Variants in FER observed in about 807,000 individuals in gnomAD.
FER encodes the protein tyrosine-protein kinase Fer.
Under a neutral mutation model 111.0 loss-of-function variants are expected in FER, and 63 were observed. The ratio of observed to expected loss-of-function variants is 0.57; its 90% CI spans 0.46 to 0.70. FER has a LOEUF of 0.70. Ranked by LOEUF, FER falls within the 30% of genes least tolerant of loss-of-function variation. The probability of loss-of-function intolerance (pLI) is 0.00; values close to 1 mark genes in which losing one functional copy is unlikely to be tolerated. For synonymous variants in FER, 327 were observed against 313.9 expected (o/e 1.04, Z -0.44); for missense variants, 914 against 954.0 (o/e 0.96, Z 0.55).
intron 3 of FER, among the ~76,000 whole-genome samples, chr5:108,820,715 T>C (rs536762706): frequency 1.1e-4 from 16 of 152,352 alleles, no homozygotes; most frequent in South Asian, 6.2e-4. Flanking sequence ...AATTTGATTA[T>C]ATTGGTTTTA....
At chr5:108,967,761 A>AAAAAAAAAAAAAAAAAAAAAAAAAAAT (rs1760074238) in intron 13 of FER, among the ~76,000 whole-genome samples, 1 of 145,878 alleles carries the variant, frequency 6.9e-6, no homozygotes, top group Non-Finnish European at 1.5e-5. Context: ...CTCCGTCTCA[A>AAAAAAAAAAAAAAAAAAAAAAAAAAAT]AAAAAAAAAA....
intron 17 of FER, among the ~76,000 whole-genome samples, chr5:109,167,066 A>G (rs1407018068): frequency 1.3e-5 from 2 of 152,098 alleles, no homozygotes; most frequent in Non-Finnish European, 2.9e-5. Context: ...CAATATTGCA[A>G]TTTATGGGTT....
chr5:108,983,305 T>C (rs1762206335), intron 13 of FER, among the ~76,000 whole-genome samples: 1 of 152,110 alleles, frequency 6.6e-6, no homozygotes, highest in African/African-American at 2.4e-5. Context: ...TAGACCATAA[T>C]TTAACACTTT....
chr5:109,021,396 G>A lies in FER; in HGVS notation c.1657-16026G>A, dbSNP rs190014417. On this transcript the variant is annotated intron_variant, in intron 13 of 19. Transcript: ENST00000281092. Reference sequence around the variant, plus strand: ...AAAAATGCATATGCATAATATAAGGGTATACTTAACATAATTATCAAGTCA... The same window carrying A: ...AAAAATGCATATGCATAATATAAGGATATACTTAACATAATTATCAAGTCA... Among the ~76,000 whole-genome samples, 203 of 152,030 alleles carry A rather than the reference G, an allele frequency of 1.3e-3. 1 individual carries two copies. The highest frequency in any genetic ancestry group is 4.5e-3 in the Admixed American group (69 of 15,216).
At position 108,956,089 on chromosome 5, in the gene FER, A is replaced by T. The variant is rs76546647; in HGVS notation, c.1533+1157A>T. Among the ~76,000 whole-genome samples, 596 of 151,808 alleles carry T rather than the reference A, an allele frequency of 3.9e-3. 2 individuals are homozygous for T. The highest frequency in any genetic ancestry group is 0.01 in the Middle Eastern group (3 of 294). ...AATTTTTCGTAGTATTCAGACCTCA[A>T]CTTGATAATCATATTTGCCCACATT... On this transcript the variant is annotated intron_variant, in intron 12 of 19. Transcript: ENST00000281092.
chr5:108,838,669 C>G (rs1293013859), intron 5 of FER, among the ~76,000 whole-genome samples: 1 of 152,056 alleles, frequency 6.6e-6, no homozygotes, highest in East Asian at 1.9e-4. Context: ...CAAAGGAACA[C>G]TCGTTTATGT....
chr5:108,751,929 T>C (rs1750552885), intron 1 of FER, among the ~76,000 whole-genome samples: 1 of 152,172 alleles, frequency 6.6e-6, no homozygotes, highest in African/African-American at 2.4e-5. Context: ...ATCTTGCTTT[T>C]TAGTTTTTGC....
chr5:109,065,833 T>C (rs542726442), intron 16 of FER, among the ~76,000 whole-genome samples: 68 of 152,342 alleles, frequency 4.5e-4, no homozygotes, highest in African/African-American at 8.4e-4. Context: ...AGTACCTGTT[T>C]ATAAGTGTGT....
rs1299382580 is a variant in FER, at chr5:109,002,135, A to G, written c.1657-35287A>G. Among the ~76,000 whole-genome samples the G allele has an allele frequency of 6.0e-4, 91 of 151,484 alleles. 1 individual carries two copies. The South Asian group carries it at 0.019, about 31-fold the overall frequency. Reference sequence around the variant, plus strand: ...TGGAAAAAACTACTTTAAAGTTCATATGGAACCAAAAAAGAGCCCGCATTG... The same window carrying G: ...TGGAAAAAACTACTTTAAAGTTCATGTGGAACCAAAAAAGAGCCCGCATTG... On this transcript the variant is annotated intron_variant, in intron 13 of 19. Transcript: ENST00000281092.
chr5:108,853,965 G>T (rs1287317418), intron 5 of FER, among the ~76,000 whole-genome samples: 2 of 152,204 alleles, frequency 1.3e-5, no homozygotes, highest in East Asian at 3.8e-4. Flanking sequence ...TTTAGGCAAG[G>T]GGTCATGCTG....
At position 109,192,398 on chromosome 5, in the gene FER, G is replaced by A. The variant is rs896604088; in HGVS notation, c.*4823G>A. 26 of 152,166 alleles carry A rather than the reference G, an allele frequency of 1.7e-4. No individual in the cohort carries two copies. Among genetic ancestry groups the A allele is most frequent in the African/African-American group, 6.3e-4 (26 of 41,442 alleles). 9.4% of individuals were successfully genotyped at this position (152,166 alleles called of 1,614,324 possible). On this transcript the variant is annotated 3_prime_UTR_variant, in exon 20 of 20. Transcript: ENST00000281092. ...AAAGATCAGCAGAACTAAAGCAAAA[G>A]CAGTCATCTCCAGTGTGTGGGCCTT... is the stretch of plus-strand genomic sequence containing the variant.
chr5:109,125,648 T>C (rs1561927681), intron 17 of FER, among the ~76,000 whole-genome samples: 1 of 152,224 alleles, frequency 6.6e-6, no homozygotes, highest in Non-Finnish European at 1.5e-5. Flanking sequence ...AATCATTCTG[T>C]AAATGTGAGC....
intron 3 of FER, among the ~76,000 whole-genome samples, chr5:108,820,925 A>G (rs1758774573): frequency 6.6e-6 from 1 of 152,208 alleles, no homozygotes; most frequent in Admixed American, 6.5e-5. Context: ...CAGCCTGGCC[A>G]ACATGGTGAA....
intron 17 of FER, among the ~76,000 whole-genome samples, chr5:109,150,838 G>C (rs1194147915): frequency 6.6e-6 from 1 of 152,068 alleles, no homozygotes; most frequent in African/African-American, 2.4e-5. Flanking sequence ...CTAAATGTTT[G>C]ACCTTGGATT....
intron 13 of FER, among the ~76,000 whole-genome samples, chr5:109,015,579 G>T (rs949215545): frequency 6.6e-6 from 1 of 151,912 alleles, no homozygotes; most frequent in Non-Finnish European, 1.5e-5. Context: ...CAGGTAAATA[G>T]ATCAGTATAA....
At chr5:108,989,511 G>A (rs1340331084) in intron 13 of FER, among the ~76,000 whole-genome samples, 1 of 151,766 alleles carries the variant, frequency 6.6e-6, no homozygotes. Context: ...GAGCTTCCTG[G>A]ATACTTTAAA....
chr5:108,891,299 C>G (rs1262047413), intron 9 of FER: 1 of 151,812 alleles, frequency 6.6e-6, no homozygotes, highest in African/African-American at 2.4e-5. Flanking sequence ...TATTCTAGTT[C>G]TTTATATATT....
At position 108,768,130 on chromosome 5, in the gene FER, A is replaced by G. The variant is rs1363976638; in HGVS notation, c.-168A>G. On this transcript the variant is annotated 5_prime_UTR_variant, in exon 2 of 20. Transcript: ENST00000281092. ...GGCTAGACCTATGACCATTTTCGCT[A>G]GACTTCACTGCACGTTTTCTCAAGT... is the stretch of plus-strand genomic sequence containing the variant. The G allele has an allele frequency of 1.3e-5, 2 of 152,228 alleles. No homozygotes were observed. Among genetic ancestry groups the G allele is most frequent in the African/African-American group, 4.8e-5 (2 of 41,454 alleles). The allele number at this position is 152,228 out of a possible 1,614,324, so 9.4% of individuals were successfully genotyped here. A position where few individuals can be genotyped will look rare whatever the true frequency, so the allele number is the denominator to read the frequency against.
intron 13 of FER, among the ~76,000 whole-genome samples, chr5:108,960,155 C>T (rs1027648711): frequency 6.6e-6 from 1 of 152,092 alleles, no homozygotes; most frequent in African/African-American, 2.4e-5. Context: ...GACTTTTATA[C>T]ATTTAGGGAT....
Sources: gnomAD v4.1 joint callset for allele counts (sites outside exome capture counted in the v4.1 genomes callset) on GRCh38, gnomAD v4.1.1 for gene constraint, MANE v1.5 for transcripts, NCBI Gene and HGNC (gene_info 2026-07-23, HGNC 2026-07-21) for gene names.